The following GRM3 variants were observed in gnomAD, a reference collection of about 807,000 sequenced individuals.
GRM3 encodes the protein metabotropic glutamate receptor 3.
In GRM3, 26 loss-of-function variants were observed where a neutral mutation model predicts 70.5. The ratio of observed to expected loss-of-function variants is 0.37; its 90% CI spans 0.27 to 0.51. GRM3 has a LOEUF of 0.51. Ranked by LOEUF, GRM3 falls within the 20% of genes least tolerant of loss-of-function variation. GRM3 has a pLI of 0.93. For synonymous variants in GRM3, 443 were observed against 434.9 expected (o/e 1.02, Z -0.23); for missense variants, 859 against 1,123.8 (o/e 0.76, Z 3.37).
chr7:86,694,529 G>A (rs2158542), intron 1 of GRM3, among the ~76,000 whole-genome samples: 27,226 of 68,142 alleles, frequency 0.4, 3,566 homozygotes, highest in East Asian at 0.46. Context: ...AAAAAAAAAA[G>A]AAAAGAAAGA....
intron 2 of GRM3, among the ~76,000 whole-genome samples, chr7:86,776,618 A>C (rs1475997272): frequency 6.6e-6 from 1 of 152,148 alleles, no homozygotes; most frequent in Admixed American, 6.6e-5. Flanking sequence ...AAAGATTGGC[A>C]TGCCTTTTGT....
intron 3 of GRM3, among the ~76,000 whole-genome samples, chr7:86,788,607 A>T (rs1311430652): frequency 6.6e-6 from 1 of 152,224 alleles, no homozygotes; most frequent in Non-Finnish European, 1.5e-5. Flanking sequence ...ATGAGCATTC[A>T]TCTTCAAATC....
rs534705452 is a variant in GRM3, at chr7:86,805,742, A to G, written c.1324+18626A>G. Among the ~76,000 whole-genome samples, 4 of 152,216 alleles carry G rather than the reference A, an allele frequency of 2.6e-5. No homozygotes were observed. The South Asian group carries it at 6.2e-4, about 24-fold the overall frequency. On this transcript the variant is annotated intron_variant, in intron 3 of 5. Coordinates refer to ENST00000361669, the MANE Select transcript of GRM3 (RefSeq NM_000840.3). ...AGCAATATGCATTTAAGATTGCATC[A>G]TATCTTTTTTATTATTATGATTATA...
chr7:86,698,120 C>T (rs1794859702), intron 1 of GRM3, among the ~76,000 whole-genome samples: 2 of 151,924 alleles, frequency 1.3e-5, no homozygotes, highest in African/African-American at 4.8e-5. Context: ...ATCCTTTTAC[C>T]CGTCCATTTT....
At chr7:86,648,212 T>C (rs1206648042) in intron 1 of GRM3, among the ~76,000 whole-genome samples, 2 of 152,210 alleles carry the variant, frequency 1.3e-5, no homozygotes, top group Non-Finnish European at 2.9e-5. Flanking sequence ...CCTAATAATT[T>C]AATTTACTAA....
At chr7:86,693,414 G>A (rs1167096834) in intron 1 of GRM3, among the ~76,000 whole-genome samples, 1 of 152,180 alleles carries the variant, frequency 6.6e-6, no homozygotes, top group African/African-American at 2.4e-5. Flanking sequence ...AGGTGCTCAA[G>A]TAGGAAGCTT....
intron 2 of GRM3, among the ~76,000 whole-genome samples, chr7:86,771,243 A>G: frequency 6.6e-6 from 1 of 152,234 alleles, no homozygotes; most frequent in South Asian, 2.1e-4. Flanking sequence ...ATTTCTTAAC[A>G]TTATAATTAT....
chr7:86,838,812 T>C (rs774081479), intron 3 of GRM3, 27 bp from the exon 4 acceptor site: 4 of 1,365,934 alleles, frequency 2.9e-6, no homozygotes, highest in Non-Finnish European at 3.1e-6. Flanking sequence ...AAGTGTTCTT[T>C]TTTTTCTTTC....
chr7:86,827,784 A>G (rs899027251), intron 3 of GRM3, among the ~76,000 whole-genome samples: 45 of 152,080 alleles, frequency 3.0e-4, no homozygotes, highest in African/African-American at 9.9e-4. Flanking sequence ...GATTACAGGC[A>G]TGAGCCACCA....
intron 1 of GRM3, among the ~76,000 whole-genome samples, chr7:86,738,194 G>A (rs565811058): frequency 5.3e-5 from 8 of 152,144 alleles, no homozygotes; most frequent in Non-Finnish European, 8.8e-5. Flanking sequence ...AATATAGGCC[G>A]TGTATCCACA....
At chr7:86,662,976 AC>A (rs1562817542) in intron 1 of GRM3, among the ~76,000 whole-genome samples, 1 of 152,014 alleles carries the variant, frequency 6.6e-6, no homozygotes, top group Non-Finnish European at 1.5e-5. Context: ...ATTTAAAAAA[AC>A]TGCCCCAAAT....
intron 1 of GRM3, among the ~76,000 whole-genome samples, chr7:86,742,166 T>C (rs188563738): frequency 2.1e-4 from 32 of 152,284 alleles, no homozygotes; most frequent in Non-Finnish European, 5.9e-5. Flanking sequence ...TGCTGGCTAG[T>C]GCATGTGCCT....
chr7:86,817,241 C>G (rs762906514), intron 3 of GRM3, among the ~76,000 whole-genome samples: 32 of 151,790 alleles, frequency 2.1e-4, no homozygotes, highest in Middle Eastern at 3.2e-3. Context: ...TTACATGTCC[C>G]TTCTAATGTT....
chr7:86,682,907 A>G (rs1363449853), intron 1 of GRM3, among the ~76,000 whole-genome samples: 1 of 152,194 alleles, frequency 6.6e-6, no homozygotes, highest in Non-Finnish European at 1.5e-5. Context: ...AAGACAGGCA[A>G]GAGATAAAGT....
intron 2 of GRM3, among the ~76,000 whole-genome samples, chr7:86,783,902 A>G (rs556088010): frequency 4.1e-4 from 62 of 152,328 alleles, no homozygotes; most frequent in African/African-American, 1.4e-3. Context: ...CTATGTTCCA[A>G]TTTCACGTTT....
intron 3 of GRM3, among the ~76,000 whole-genome samples, chr7:86,813,308 C>T (rs1797949941): frequency 6.6e-6 from 1 of 151,708 alleles, no homozygotes; most frequent in African/African-American, 2.4e-5. Context: ...ACTTTTCCAG[C>T]TTCATGGGTC....
At chr7:86,846,050 A>G (rs1225644243) in intron 4 of GRM3, among the ~76,000 whole-genome samples, 1 of 149,238 alleles carries the variant, frequency 6.7e-6, no homozygotes, top group Non-Finnish European at 1.5e-5. Flanking sequence ...TTCTTTTAAC[A>G]TAAGGGTTGG....
intron 1 of GRM3, among the ~76,000 whole-genome samples, chr7:86,663,580 T>C (rs1793951735): frequency 6.6e-6 from 1 of 152,044 alleles, no homozygotes; most frequent in African/African-American, 2.4e-5. Context: ...AAAGAGAATT[T>C]ATAAATATTT....
intron 5 of GRM3, among the ~76,000 whole-genome samples, chr7:86,860,577 T>C (rs1339964344): frequency 6.6e-6 from 1 of 152,198 alleles, no homozygotes; most frequent in Non-Finnish European, 1.5e-5. Flanking sequence ...TGCTATTTCT[T>C]GTAAGAAGAC....
Sources: allele counts gnomAD v4.1 joint callset (sites outside exome capture counted in the v4.1 genomes callset), GRCh38; gene constraint gnomAD v4.1.1; transcripts MANE v1.5; gene names NCBI Gene and HGNC (gene_info 2026-07-23, HGNC 2026-07-21).